The following HS6ST3 variants were observed in gnomAD, a reference collection of about 807,000 sequenced individuals.
HS6ST3 encodes the protein heparan sulfate 6-O-sulfotransferase 3.
In HS6ST3, 12 loss-of-function variants were observed where a neutral mutation model predicts 36.7. The observed-to-expected ratio is 0.33, with a 90% confidence interval of 0.21 to 0.53. The LOEUF is 0.53. Ranked by LOEUF, HS6ST3 falls within the 20% of genes least tolerant of loss-of-function variation. HS6ST3 has a pLI of 0.95. For missense variants in HS6ST3, 584 were observed against 640.9 expected (o/e 0.91, Z 0.96); for synonymous variants, 240 against 257.5 (o/e 0.93, Z 0.65).
At chr13:96,102,715 C>T (rs760437955) in intron 1 of HS6ST3, among the ~76,000 whole-genome samples, 14 of 152,158 alleles carry the variant, frequency 9.2e-5, no homozygotes, top group Non-Finnish European at 1.9e-4. Context: ...ACCTATTGAT[C>T]GGCAACAATT....
chr13:96,497,326 C>A (rs1389072683), intron 1 of HS6ST3, among the ~76,000 whole-genome samples: 1 of 152,144 alleles, frequency 6.6e-6, no homozygotes, highest in Non-Finnish European at 1.5e-5. Flanking sequence ...GTCCTGCAGA[C>A]TCATGATCAC....
chr13:96,761,232 T>A (rs528809866), intron 1 of HS6ST3, among the ~76,000 whole-genome samples: 1 of 151,968 alleles, frequency 6.6e-6, no homozygotes, highest in Non-Finnish European at 1.5e-5. Flanking sequence ...AATTTTTTTA[T>A]CAAGGAGCAT....
chr13:96,333,085 A>G (rs2055080604), intron 1 of HS6ST3, among the ~76,000 whole-genome samples: 1 of 152,230 alleles, frequency 6.6e-6, no homozygotes, highest in Non-Finnish European at 1.5e-5. Flanking sequence ...TGTTGTTTAT[A>G]AGCTACTCAG....
chr13:96,167,756 ATATAG>A (rs2054168262), intron 1 of HS6ST3, among the ~76,000 whole-genome samples: 1 of 152,248 alleles, frequency 6.6e-6, no homozygotes. Flanking sequence ...TGCAAGTGTC[ATATAG>A]TATATGAGAA....
chr13:96,103,961 T>G (rs1443072443), intron 1 of HS6ST3, among the ~76,000 whole-genome samples: 81 of 150,648 alleles, frequency 5.4e-4, no homozygotes, highest in East Asian at 1.6e-3. Flanking sequence ...GTGTTTTTTT[T>G]TTTTTTTTTT....
rs553888962 is a variant in HS6ST3 at position 96,535,795 on chromosome 13, C to T, written c.708-296695C>T. On this transcript the variant is annotated intron_variant, in intron 1 of 1. Coordinates refer to ENST00000376705, the MANE Select transcript of HS6ST3 (RefSeq NM_153456.4). ...AGGAAGAATCAGTGGGTTTGGGTGA[C>T]TCTTCTGTGTTCATTGCCAGACAGT... 2.8e-4 allele frequency among the ~76,000 whole-genome samples: 42 copies of T among 152,204 alleles called. 3 individuals are homozygous for T. The South Asian group carries it at 3.3e-3, about 12-fold the overall frequency.
At chr13:96,811,553 G>C (rs1298954673) in intron 1 of HS6ST3, among the ~76,000 whole-genome samples, 1 of 152,118 alleles carries the variant, frequency 6.6e-6, no homozygotes, top group Non-Finnish European at 1.5e-5. Context: ...AGTGTAAAAA[G>C]GCAGAATTAT....
chr13:96,323,850 T>C (rs2055016775), intron 1 of HS6ST3, among the ~76,000 whole-genome samples: 1 of 152,232 alleles, frequency 6.6e-6, no homozygotes, highest in Non-Finnish European at 1.5e-5. Context: ...GAATATATAC[T>C]TCATAAGGGC....
chr13:96,792,391 C>A (rs751983356), intron 1 of HS6ST3, among the ~76,000 whole-genome samples: 1 of 151,844 alleles, frequency 6.6e-6, no homozygotes, highest in Non-Finnish European at 1.5e-5. Flanking sequence ...ATTGTGACGC[C>A]CCCTCTGGTG....
At chr13:96,233,425 A>G (rs1033640833) in intron 1 of HS6ST3, among the ~76,000 whole-genome samples, 1 of 152,230 alleles carries the variant, frequency 6.6e-6, no homozygotes, top group Non-Finnish European at 1.5e-5. Context: ...AGCCAGTGGA[A>G]AATGCGGTTT....
At chr13:96,695,707 G>C (rs1875109082) in intron 1 of HS6ST3, among the ~76,000 whole-genome samples, 1 of 151,854 alleles carries the variant, frequency 6.6e-6, no homozygotes, top group South Asian at 2.1e-4. Context: ...AAAGTGCTAG[G>C]ATTATAGGTG....
chr13:96,439,975 T>A (rs939112836), intron 1 of HS6ST3, among the ~76,000 whole-genome samples: 2 of 152,238 alleles, frequency 1.3e-5, no homozygotes, highest in Non-Finnish European at 2.9e-5. Flanking sequence ...GTATGGTGAA[T>A]TGGCACCATT....
chr13:96,733,177 G>A (rs1876202566), intron 1 of HS6ST3, among the ~76,000 whole-genome samples: 1 of 152,144 alleles, frequency 6.6e-6, no homozygotes, highest in Non-Finnish European at 1.5e-5. Flanking sequence ...TGTTGGATAG[G>A]AGTGGTGAGA....
chr13:96,656,700 A>G (rs2139016237), intron 1 of HS6ST3, among the ~76,000 whole-genome samples: 1 of 152,212 alleles, frequency 6.6e-6, no homozygotes, highest in African/African-American at 2.4e-5. Context: ...AGTCGCAAAA[A>G]CGATGGCATA....
intron 1 of HS6ST3, among the ~76,000 whole-genome samples, chr13:96,677,045 T>A (rs1427192720): frequency 6.6e-6 from 1 of 152,118 alleles, no homozygotes; most frequent in Non-Finnish European, 1.5e-5. Context: ...GTGCAGCAAA[T>A]CTTTGTGGTA....
Position 96,178,206 on chromosome 13 carries a change from T to C in HS6ST3, c.707+86637T>C, listed in dbSNP as rs568234938. 5.3e-5 allele frequency among the ~76,000 whole-genome samples: 8 copies of C among 152,364 alleles called. No individual in the cohort carries two copies. In the South Asian group the frequency reaches 6.2e-4, roughly 12 times the overall value. On this transcript the variant is annotated intron_variant, in intron 1 of 1. Coordinates refer to ENST00000376705, the MANE Select transcript of HS6ST3 (RefSeq NM_153456.4). ...GGATACATGGGAGTATATTATATTA[T>C]CCTTTTGAACCTTTTATATGTTTGG...
At chr13:96,127,417 G>A (rs1387837417) in intron 1 of HS6ST3, among the ~76,000 whole-genome samples, 1 of 152,214 alleles carries the variant, frequency 6.6e-6, no homozygotes, top group East Asian at 1.9e-4. Flanking sequence ...TTACAATAGG[G>A]TTTGTGCTCC....
At chr13:96,683,962 T>C (rs1331206677) in intron 1 of HS6ST3, among the ~76,000 whole-genome samples, 2 of 152,052 alleles carry the variant, frequency 1.3e-5, no homozygotes, top group African/African-American at 4.8e-5. Context: ...AAATGATCTT[T>C]GTATATGGGG....
At chr13:96,724,147 T>C (rs552000784) in intron 1 of HS6ST3, among the ~76,000 whole-genome samples, 40 of 152,326 alleles carry the variant, frequency 2.6e-4, no homozygotes, top group African/African-American at 9.1e-4. Context: ...TAAAAAGTAA[T>C]GTGCACATTA....
Sources: gnomAD v4.1 joint callset for allele counts (sites outside exome capture counted in the v4.1 genomes callset) on GRCh38, gnomAD v4.1.1 for gene constraint, MANE v1.5 for transcripts, NCBI Gene and HGNC (gene_info 2026-07-23, HGNC 2026-07-21) for gene names.